The following CD226 variants were observed in gnomAD, a reference collection of about 807,000 sequenced individuals.
CD226 encodes CD226 antigen.
A neutral mutation model predicts 34.9 loss-of-function variants in CD226; 24 were observed. The ratio of observed to expected loss-of-function variants is 0.69; its 90% CI spans 0.50 to 0.97. The LOEUF is 0.97. CD226 is among the 50% of genes least tolerant of loss of function. The pLI, the probability that CD226 is intolerant of heterozygous loss-of-function variation, is 0.00. For missense variants in CD226, 397 were observed against 412.7 expected (o/e 0.96, Z 0.33); for synonymous variants, 148 against 147.4 (o/e 1.00, Z -0.03).
chr18:69,947,188 T>A, intron 1 of CD226, 119 bp from the exon 2 acceptor site: 1 of 1,011,320 alleles, frequency 9.9e-7, no homozygotes, highest in Non-Finnish European at 1.5e-6. Context: ...AGTTTCTGCC[T>A]TTGTCTAAAA....
upstream of CD226, among the ~76,000 whole-genome samples, chr18:69,948,833 GAC>G: frequency 6.6e-6 from 1 of 152,186 alleles, no homozygotes; most frequent in Non-Finnish European, 1.5e-5. Flanking sequence ...TCATAAAGAG[GAC>G]ACATCTCTGC....
chr18:69,956,775 C>T lies in CD226; in HGVS notation c.-48G>A, dbSNP rs1378761709. 4 of 152,198 alleles carry T rather than the reference C, an allele frequency of 2.6e-5. No homozygotes were observed. The East Asian group carries it at 5.8e-4, about 22-fold the overall frequency. The allele number at this position is 152,198 out of a possible 1,614,324, so 9.4% of individuals were successfully genotyped here. A position where few individuals can be genotyped will look rare whatever the true frequency, so the allele number is the denominator to read the frequency against. On this transcript the variant is annotated 5_prime_UTR_variant, in exon 1 of 7. Transcript: ENST00000280200. ...CTAACCTTGAGATGTGAGTGCTGCT[C>T]GCTCTAACGCTTCTTCCCATCTGCG...
upstream of CD226, among the ~76,000 whole-genome samples, chr18:69,952,777 T>A (rs1364118191): frequency 1.3e-5 from 2 of 152,178 alleles, no homozygotes; most frequent in African/African-American, 2.4e-5. Context: ...CTTTTGTGCA[T>A]CAAAGGACAT....
intron 3 of CD226, among the ~76,000 whole-genome samples, chr18:69,892,396 A>C (rs902515053): frequency 1.3e-5 from 2 of 152,214 alleles, no homozygotes; most frequent in African/African-American, 4.8e-5. Flanking sequence ...AGGGCCAAAA[A>C]TAACTGTAGT....
At chr18:69,882,995 C>CAAA in intron 3 of CD226, among the ~76,000 whole-genome samples, 1 of 152,198 alleles carries the variant, frequency 6.6e-6, no homozygotes, top group Non-Finnish European at 1.5e-5. Flanking sequence ...ACACTTGACT[C>CAAA]TGAGTCAAAG....
At chr18:69,924,745 C>A (rs2055500790) in intron 2 of CD226, among the ~76,000 whole-genome samples, 1 of 146,200 alleles carries the variant, frequency 6.8e-6, no homozygotes, top group East Asian at 2.0e-4. Context: ...CTGCAAAGCC[C>A]AGAGGTACAA....
chr18:69,893,774 G>C (rs918430307), intron 3 of CD226, among the ~76,000 whole-genome samples: 2 of 152,152 alleles, frequency 1.3e-5, no homozygotes, highest in African/African-American at 2.4e-5. Context: ...TCCAATGTAT[G>C]TCTCACCACA....
intron 3 of CD226, among the ~76,000 whole-genome samples, chr18:69,892,489 GAA>G (rs1246890299): frequency 1.3e-5 from 2 of 152,128 alleles, no homozygotes; most frequent in Non-Finnish European, 2.9e-5. Flanking sequence ...TTCAAATTCA[GAA>G]AAGTCAGTCT....
intron 2 of CD226, among the ~76,000 whole-genome samples, chr18:69,932,190 C>A (rs923545891): frequency 6.6e-6 from 1 of 152,170 alleles, no homozygotes; most frequent in African/African-American, 2.4e-5. Flanking sequence ...ACTTGTCTTT[C>A]CTCTATTCTC....
At chr18:69,900,922 T>A (rs1455788014) in intron 2 of CD226, among the ~76,000 whole-genome samples, 1 of 152,188 alleles carries the variant, frequency 6.6e-6, no homozygotes, top group Non-Finnish European at 1.5e-5. Flanking sequence ...TAGTCATGCC[T>A]AAACGAATTG....
At position 69,859,242 on chromosome 18, in the gene CD226, G is replaced by A. The variant is rs1982705502; in HGVS notation, c.*5072C>T. On this transcript the variant is annotated 3_prime_UTR_variant, in exon 6 of 6. Coordinates refer to ENST00000582621, the MANE Select transcript of CD226 (RefSeq NM_001303618.2). Reference sequence around the variant, plus strand: ...TCTAGCCCCAAGTCAAGCTTCTAATGGAGTCTTTCTAAGGAAGTTGACGTT... The same window carrying A: ...TCTAGCCCCAAGTCAAGCTTCTAATAGAGTCTTTCTAAGGAAGTTGACGTT... 2 of 152,006 alleles carry A rather than the reference G, an allele frequency of 1.3e-5. No individual in the cohort carries two copies. The highest frequency in any genetic ancestry group is 2.1e-4 in the South Asian group (1 of 4,812). 9.4% of individuals were successfully genotyped at this position (152,006 alleles called of 1,614,324 possible). A position where few individuals can be genotyped will look rare whatever the true frequency, so the allele number is the denominator to read the frequency against.
rs1009892091 is a variant in CD226, at chr18:69,895,838, C to T, written c.590G>A (p.Ser197Asn). ...FTSKFPRQIV[S>N]NCSHGRWSVI... ...GCTCCACCTTCCGTGGCTGCAGTTGCTCACTATTTGTCTTGGGAACTTGGA... is the reference window on the plus strand; with the variant it reads ...GCTCCACCTTCCGTGGCTGCAGTTGTTCACTATTTGTCTTGGGAACTTGGA... Residue 197 changes from serine (S) to asparagine (N), a missense_variant, in exon 3 of 6, where the codon AGC becomes AAC. Transcript: ENST00000582621. The T allele has an allele frequency of 4.3e-6, 7 of 1,614,208 alleles. No homozygotes were observed. The highest frequency in any genetic ancestry group is 4.2e-6 in the Non-Finnish European group (5 of 1,180,044).
chr18:69,941,351 G>A (rs1421910222), intron 2 of CD226, among the ~76,000 whole-genome samples: 4 of 152,190 alleles, frequency 2.6e-5, no homozygotes, highest in Admixed American at 6.5e-5. Context: ...CTTGCACCAT[G>A]CAACTGGAGA....
intron 4 of CD226, among the ~76,000 whole-genome samples, chr18:69,872,208 G>A (rs1177030965): frequency 2.0e-5 from 3 of 152,056 alleles, no homozygotes; most frequent in African/African-American, 7.2e-5. Context: ...CATCAAAAGT[G>A]TGGTCCCTTC....
chr18:69,956,525 G>A (rs561061992), intron 1 of CD226: 1 of 152,234 alleles, frequency 6.6e-6, no homozygotes, highest in Non-Finnish European at 1.5e-5. Context: ...GAGACAGACT[G>A]AGAAAAAGTA....
At chr18:69,872,889 G>A (rs1328846071) in intron 4 of CD226, among the ~76,000 whole-genome samples, 1 of 152,152 alleles carries the variant, frequency 6.6e-6, no homozygotes, top group Non-Finnish European at 1.5e-5. Context: ...CTTGGAGGAG[G>A]AAGACAGGGC....
intron 2 of CD226, among the ~76,000 whole-genome samples, chr18:69,920,493 TCTC>T (rs1229892581): frequency 6.6e-6 from 1 of 152,206 alleles, no homozygotes; most frequent in African/African-American, 2.4e-5. Flanking sequence ...ACTTGACACT[TCTC>T]CTTTTTACTT....
chr18:69,888,740 G>T (rs929034781), intron 3 of CD226, among the ~76,000 whole-genome samples: 1 of 152,094 alleles, frequency 6.6e-6, no homozygotes, highest in Non-Finnish European at 1.5e-5. Flanking sequence ...AACTTGCATT[G>T]TTTATAGTGG....
chr18:69,939,372 G>A (rs1051891505), intron 2 of CD226, among the ~76,000 whole-genome samples: 1 of 151,666 alleles, frequency 6.6e-6, no homozygotes, highest in Non-Finnish European at 1.5e-5. Flanking sequence ...ATTTTTTTTG[G>A]TAACTTGCTC....
Sources: allele counts gnomAD v4.1 joint callset (sites outside exome capture counted in the v4.1 genomes callset), GRCh38; gene constraint gnomAD v4.1.1; transcripts MANE v1.5; gene names NCBI Gene and HGNC (gene_info 2026-07-23, HGNC 2026-07-21).